The following NDRG3 variants were observed in gnomAD, a reference collection of about 807,000 sequenced individuals.
NDRG3 encodes protein NDRG3.
In NDRG3, 23 loss-of-function variants were observed where a neutral mutation model predicts 57.2. The observed-to-expected ratio is 0.40, with a 90% CI of 0.29 to 0.57. NDRG3 has a LOEUF of 0.57. NDRG3 is among the 20% of genes least tolerant of loss of function. The pLI is 0.42. For missense variants in NDRG3, 384 were observed against 457.3 expected (o/e 0.84, Z 1.46); for synonymous variants, 132 against 162.6 (o/e 0.81, Z 1.43).
chr20:36,744,395 G>C (rs943520211), intron 1 of NDRG3, among the ~76,000 whole-genome samples: 5 of 152,258 alleles, frequency 3.3e-5, no homozygotes, highest in East Asian at 1.9e-4. Flanking sequence ...AATGAAAAGG[G>C]GGGGTGGAAA....
chr20:36,721,326 C>T (rs985790589), intron 2 of NDRG3, among the ~76,000 whole-genome samples: 18 of 151,576 alleles, frequency 1.2e-4, no homozygotes, highest in African/African-American at 3.6e-4. Context: ...GTCAGGAGAT[C>T]GAGACCATCC....
chr20:36,690,142 C>G (rs1982145076), intron 3 of NDRG3, among the ~76,000 whole-genome samples: 1 of 152,214 alleles, frequency 6.6e-6, no homozygotes, highest in Non-Finnish European at 1.5e-5. Context: ...GTGTATACTT[C>G]TAAGTTCTAA....
chr20:36,708,306 C>T (rs934428021), intron 2 of NDRG3, among the ~76,000 whole-genome samples: 1 of 152,050 alleles, frequency 6.6e-6, no homozygotes, highest in African/African-American at 2.4e-5. Flanking sequence ...TATCTGATCC[C>T]CAAAAAATAC....
chr20:36,726,994 G>C (rs1211987385), intron 1 of NDRG3, among the ~76,000 whole-genome samples: 1 of 149,832 alleles, frequency 6.7e-6, no homozygotes, highest in Non-Finnish European at 1.5e-5. Context: ...TTGGCTCACT[G>C]CAACTTCCGC....
In NDRG3 at chr20:36,656,528, G is replaced by T. The variant is rs1452352494; in HGVS notation, c.863C>A (p.Ala288Glu). ...NPINTTLLKM[A>E]DCGGLPQVVQ... is the part of the protein sequence containing the mutation. ...TACCTGGGGCAGTCCCCCACAGTCC[G>T]CCATCTAGAAAAGGAAAAATATGCA... Residue 288 changes from alanine (A) to glutamate (E), a missense_variant, in exon 14 of 16, where the codon GCG becomes GAG. Coordinates refer to ENST00000349004, the MANE Select transcript of NDRG3 (RefSeq NM_032013.4). 6.2e-7 allele frequency: 1 copy of T among 1,613,834 alleles called. No homozygotes were observed. Among genetic ancestry groups the T allele is most frequent in the African/African-American group, 1.3e-5 (1 of 74,900 alleles).
chr20:36,701,544 C>CTTA (rs1383124634), intron 3 of NDRG3, among the ~76,000 whole-genome samples: 3 of 124,276 alleles, frequency 2.4e-5, no homozygotes, highest in Non-Finnish European at 5.1e-5. Flanking sequence ...GACCCTGTAT[C>CTTA]TTTTTTTTTT....
chr20:36,716,344 C>A (rs1253608666), intron 2 of NDRG3, among the ~76,000 whole-genome samples: 2 of 151,942 alleles, frequency 1.3e-5, no homozygotes, highest in Non-Finnish European at 2.9e-5. Flanking sequence ...ACCAGCCTGG[C>A]CAACATGGCA....
At position 36,653,284 on chromosome 20, in the gene NDRG3, G is replaced by T. The variant is rs941689488; in HGVS notation, c.*236C>A. ...AAGCTGGCAAGAGAGGATATGGAGA[G>T]ATCTGATCAGCTAAAGATGTTGGAA... On this transcript the variant is annotated 3_prime_UTR_variant, in exon 16 of 16. Coordinates refer to ENST00000349004, the MANE Select transcript of NDRG3 (RefSeq NM_032013.4). The surrounding 1 kb of genome is among the most constrained non-coding windows in gnomAD (Gnocchi z 4.2). 2.2e-6 allele frequency: 1 copy of T among 461,824 alleles called. No individual in the cohort carries two copies. Among genetic ancestry groups the T allele is most frequent in the Non-Finnish European group, 3.9e-6 (1 of 257,696 alleles). The allele number at this position is 461,824 out of a possible 1,614,324, so 28.6% of individuals were successfully genotyped here. A position where few individuals can be genotyped will look rare whatever the true frequency, so the allele number is the denominator to read the frequency against.
intron 2 of NDRG3, among the ~76,000 whole-genome samples, chr20:36,720,279 T>C (rs1984518334): frequency 6.6e-6 from 1 of 151,618 alleles, no homozygotes; most frequent in Admixed American, 6.6e-5. Context: ...TTCAAGTGAT[T>C]CTCCTGCCTC....
At chr20:36,713,821 C>T (rs1051451618) in intron 2 of NDRG3, among the ~76,000 whole-genome samples, 1 of 152,046 alleles carries the variant, frequency 6.6e-6, no homozygotes, top group African/African-American at 2.4e-5. Flanking sequence ...AAAGGTTACA[C>T]GTAATTGACA....
chr20:36,732,388 A>C (rs1288949456), intron 1 of NDRG3, among the ~76,000 whole-genome samples: 1 of 152,192 alleles, frequency 6.6e-6, no homozygotes, highest in East Asian at 1.9e-4. Context: ...TCCTTTGTTC[A>C]CTCAGAAAAA....
chr20:36,653,466 T>C lies in NDRG3; in HGVS notation c.*54A>G, dbSNP rs1471908104. 27 of 1,514,518 alleles carry C rather than the reference T, an allele frequency of 1.8e-5. No individual in the cohort carries two copies. The highest frequency in any genetic ancestry group is 4.1e-5 in the African/African-American group (3 of 72,928). The allele number at this position is 1,514,518 out of a possible 1,614,324, so 93.8% of individuals were successfully genotyped here. A position where few individuals can be genotyped will look rare whatever the true frequency, so the allele number is the denominator to read the frequency against. Reference sequence around the variant, plus strand: ...GTTTACTGGATGAAATGTTATATTATGGAGTGGTCATTTGAAGGATGGACT... The same window carrying C: ...GTTTACTGGATGAAATGTTATATTACGGAGTGGTCATTTGAAGGATGGACT... On this transcript the variant is annotated 3_prime_UTR_variant, in exon 16 of 16. Transcript: ENST00000349004. The surrounding 1 kb of genome is among the most constrained non-coding windows in gnomAD (Gnocchi z 4.2).
intron 12 of NDRG3, among the ~76,000 whole-genome samples, 180 bp from the exon 13 acceptor site, chr20:36,660,564 A>ATTTT (rs200205594): frequency 8.8e-5 from 13 of 148,270 alleles, no homozygotes; most frequent in African/African-American, 2.0e-4. Flanking sequence ...TTATTTATTT[A>ATTTT]TTTATTTTTT....
At chr20:36,662,481 G>A (rs1392805052) in intron 12 of NDRG3, among the ~76,000 whole-genome samples, 1 of 152,064 alleles carries the variant, frequency 6.6e-6, no homozygotes, top group Non-Finnish European at 1.5e-5. Flanking sequence ...CCAAAGTGCT[G>A]GGATTACGAG....
rs372594751 is a variant in NDRG3, at chr20:36,688,781, G to C, written c.97C>G (p.His33Asp). Reference protein sequence around the residue: ...RNFQDFDCQEHDIETTHGVVH... With the variant: ...RNFQDFDCQEDDIETTHGVVH... ...ACACCATGAGTTGTTTCTATATCAT[G>C]TTCCTGTAACAAGAGAATGTAAGTT... The change falls in exon 4 of 16, where the codon CAT (histidine) becomes GAT (aspartate). Residue 33 changes from histidine to aspartate, a missense_variant. Transcript: ENST00000349004. 1.2e-6 allele frequency: 2 copies of C among 1,611,250 alleles called. No homozygotes were observed. The highest frequency in any genetic ancestry group is 2.7e-5 in the African/African-American group (2 of 74,840).
At chr20:36,723,313 A>G (rs1261827802) in intron 1 of NDRG3, among the ~76,000 whole-genome samples, 10 of 152,186 alleles carry the variant, frequency 6.6e-5, no homozygotes, top group Non-Finnish European at 4.4e-5. Context: ...TTCTTCTTCT[A>G]TCTCACCATG....
intron 1 of NDRG3, among the ~76,000 whole-genome samples, chr20:36,730,538 G>A (rs969677716): frequency 6.6e-6 from 1 of 151,894 alleles, no homozygotes; most frequent in Non-Finnish European, 1.5e-5. Flanking sequence ...AAACAAAATA[G>A]TTTGCAGAAA....
intron 3 of NDRG3, among the ~76,000 whole-genome samples, chr20:36,697,402 T>C (rs1431328289): frequency 1.3e-5 from 2 of 152,140 alleles, no homozygotes; most frequent in Non-Finnish European, 2.9e-5. Flanking sequence ...AGGGCACTTT[T>C]GTCTGCATTA....
At chr20:36,682,614 A>G (rs1176799566) in intron 6 of NDRG3, 36 bp from the exon 7 acceptor site, 1 of 1,577,534 alleles carries the variant, frequency 6.3e-7, no homozygotes, top group East Asian at 2.2e-5. Flanking sequence ...GACAGAGTCA[A>G]CTTCATTTGC....
Sources: gnomAD v4.1 joint callset for allele counts (sites outside exome capture counted in the v4.1 genomes callset) on GRCh38, gnomAD v4.1.1 for gene constraint, Gnocchi (gnomAD v3.1) non-coding constraint, MANE v1.5 for transcripts, NCBI Gene and HGNC (gene_info 2026-07-23, HGNC 2026-07-21) for gene names.